EPB41L4B: variants seen among roughly 807,000 people sequenced by gnomAD.
The protein encoded by EPB41L4B is erythrocyte membrane protein band 4.1 like 4B.
A neutral mutation model predicts 112.5 loss-of-function variants in EPB41L4B; 30 were observed. The observed-to-expected ratio is 0.27, with a 90% CI of 0.20 to 0.36. The LOEUF is 0.36. Ranked by LOEUF, EPB41L4B falls within the 10% of genes least tolerant of loss-of-function variation. The pLI is 1.00. For missense variants in EPB41L4B, 1,024 were observed against 1,133.3 expected (o/e 0.90, Z 1.38); for synonymous variants, 408 against 439.7 (o/e 0.93, Z 0.90).
Position 109,193,163 on chromosome 9 carries a change from C to A in EPB41L4B, c.2224-808G>T, listed in dbSNP as rs574327070. Among the ~76,000 whole-genome samples, 9 of 152,322 alleles carry A rather than the reference C, an allele frequency of 5.9e-5. No homozygotes were observed. In the South Asian group the frequency reaches 1.5e-3, roughly 25 times the overall value. On this transcript the variant is annotated intron_variant, in intron 21 of 25. Transcript: ENST00000374566. ...AGGTGATCTATAGAGAAGCAGAGAA[C>A]CTCGATCTTGGCCAGTCGCTGGCTG... is the stretch of plus-strand genomic sequence containing the variant.
At chr9:109,194,150 C>G (rs1193306078) in intron 21 of EPB41L4B, 70 bp downstream of exon 21, 23 of 1,513,744 alleles carry the variant, frequency 1.5e-5, no homozygotes, top group Non-Finnish European at 1.8e-6. Flanking sequence ...GCACCAGATG[C>G]TACTCAGTAA....
intron 1 of EPB41L4B, among the ~76,000 whole-genome samples, chr9:109,285,097 G>A (rs990585907): frequency 2.0e-5 from 3 of 152,208 alleles, no homozygotes; most frequent in African/African-American, 7.2e-5. Flanking sequence ...CTGCCATGGT[G>A]CCCTGAATAC....
intron 1 of EPB41L4B, among the ~76,000 whole-genome samples, chr9:109,306,398 G>A (rs1010329060): frequency 2.0e-5 from 3 of 152,106 alleles, no homozygotes; most frequent in Admixed American, 1.3e-4. Flanking sequence ...TGGATCACCT[G>A]AGGTCAGGAG....
At chr9:109,247,309 C>G (rs1268848849) in intron 14 of EPB41L4B, among the ~76,000 whole-genome samples, 1 of 151,994 alleles carries the variant, frequency 6.6e-6, no homozygotes, top group Non-Finnish European at 1.5e-5. Context: ...TCAGTGGACA[C>G]TGTAAAATCC....
intron 1 of EPB41L4B, among the ~76,000 whole-genome samples, chr9:109,314,644 A>G (rs1169092850): frequency 7.1e-6 from 1 of 141,838 alleles, no homozygotes; most frequent in East Asian, 2.1e-4. Context: ...ACCCCCCCCC[A>G]CCTCAGCCTT....
rs377454200 is a variant in EPB41L4B, at chr9:109,173,215, C to T, written c.*1339G>A. Reference sequence around the variant, plus strand: ...CATTGCTGGTGGCATCATAAATTGTCGAGGGGATTCAAGCATTCAGAGGGG... The same window carrying T: ...CATTGCTGGTGGCATCATAAATTGTTGAGGGGATTCAAGCATTCAGAGGGG... On this transcript the variant is annotated 3_prime_UTR_variant, in exon 26 of 26. Coordinates refer to ENST00000374566, the MANE Select transcript of EPB41L4B (RefSeq NM_019114.5). 1.3e-5 allele frequency: 2 copies of T among 152,462 alleles called. No homozygotes were observed. Among genetic ancestry groups the T allele is most frequent in the Non-Finnish European group, 2.9e-5 (2 of 68,042 alleles). The allele number at this position is 152,462 out of a possible 1,614,324, so 9.4% of individuals were successfully genotyped here.
chr9:109,297,925 G>GACC (rs1836799244), intron 1 of EPB41L4B, among the ~76,000 whole-genome samples: 2 of 152,196 alleles, frequency 1.3e-5, no homozygotes, highest in African/African-American at 4.8e-5. Flanking sequence ...CCCTGTCTAT[G>GACC]GTGAGCTTGG....
intron 14 of EPB41L4B, among the ~76,000 whole-genome samples, chr9:109,245,009 G>A (rs1434437104): frequency 6.6e-6 from 1 of 152,172 alleles, no homozygotes; most frequent in Non-Finnish European, 1.5e-5. Flanking sequence ...AAAGACGCCT[G>A]TCAGCAAGCA....
chr9:109,185,613 CGAGGA>C lies in EPB41L4B; in HGVS notation c.2302-13_2302-9del, dbSNP rs1224012440. The stretch of plus-strand genomic sequence containing the variant: ...GTTGCTGGCGGGCTCTGCCTGCTCA[CGAGGA>C]GAGGAGAGAAGGGGAGGAGGAGGTG... On this transcript the variant is annotated splice_polypyrimidine_tract_variant and intron_variant, in intron 22 of 25. Transcript: ENST00000374566. 1.3e-6 allele frequency: 2 copies of C among 1,593,824 alleles called. No homozygotes were observed. Among genetic ancestry groups the C allele is most frequent in the Non-Finnish European group, 1.7e-6 (2 of 1,169,034 alleles).
intron 1 of EPB41L4B, among the ~76,000 whole-genome samples, chr9:109,292,322 T>G (rs761812896): frequency 3.3e-5 from 5 of 152,236 alleles, no homozygotes; most frequent in Non-Finnish European, 7.3e-5. Context: ...GCAGACACAC[T>G]GGCTAATATA....
intron 14 of EPB41L4B, among the ~76,000 whole-genome samples, chr9:109,246,263 G>A (rs562603133): frequency 5.3e-5 from 8 of 152,140 alleles, no homozygotes; most frequent in Middle Eastern, 6.8e-3. Flanking sequence ...TTAGCCGGGC[G>A]TGGTGGCATA....
At chr9:109,230,085 C>CA (rs750701875) in intron 15 of EPB41L4B, among the ~76,000 whole-genome samples, 8 of 152,134 alleles carry the variant, frequency 5.3e-5, no homozygotes, top group Admixed American at 2.0e-4. Flanking sequence ...ATTCACAGAG[C>CA]AAAAAACCCC....
chr9:109,253,602 T>C (rs774920715), intron 11 of EPB41L4B, 52 bp from the exon 12 acceptor site: 2 of 1,191,078 alleles, frequency 1.7e-6, no homozygotes, highest in Admixed American at 3.5e-5. Context: ...TCTCAGTACA[T>C]TACCTGTTTT....
At chr9:109,284,819 G>A (rs1339015905) in intron 1 of EPB41L4B, among the ~76,000 whole-genome samples, 1 of 152,138 alleles carries the variant, frequency 6.6e-6, no homozygotes, top group East Asian at 1.9e-4. Context: ...CCCACCCTTT[G>A]GATATTTTTT....
intron 20 of EPB41L4B, among the ~76,000 whole-genome samples, chr9:109,194,818 A>G (rs1588126830): frequency 1.3e-5 from 2 of 152,280 alleles, no homozygotes; most frequent in East Asian, 3.9e-4. Flanking sequence ...AGCCTCTGGT[A>G]ACATCAATTC....
chr9:109,228,279 A>T (rs1833849457), intron 15 of EPB41L4B, among the ~76,000 whole-genome samples: 1 of 152,224 alleles, frequency 6.6e-6, no homozygotes. Context: ...TCCTAAGTCA[A>T]CACTGCTTCC....
At position 109,173,617 on chromosome 9, in the gene EPB41L4B, G is replaced by A. The variant is rs988623163; in HGVS notation, c.*937C>T. 1.3e-5 allele frequency: 2 copies of A among 152,574 alleles called. No homozygotes were observed. The highest frequency in any genetic ancestry group is 2.1e-4 in the South Asian group (1 of 4,826). The allele number at this position is 152,574 out of a possible 1,614,324, so 9.5% of individuals were successfully genotyped here. On this transcript the variant is annotated 3_prime_UTR_variant, in exon 26 of 26. Coordinates refer to ENST00000374566, the MANE Select transcript of EPB41L4B (RefSeq NM_019114.5). ...TAAAACAAAGGAGAATGTACACAACGATCATAGCTATGTAAAAATATGTGT... is the reference window on the plus strand; with the variant it reads ...TAAAACAAAGGAGAATGTACACAACAATCATAGCTATGTAAAAATATGTGT...
intron 15 of EPB41L4B, among the ~76,000 whole-genome samples, chr9:109,225,348 A>G (rs950194981): frequency 1.3e-5 from 2 of 152,252 alleles, no homozygotes; most frequent in African/African-American, 2.4e-5. Context: ...CACTGCTGGT[A>G]AAGACATACC....
intron 1 of EPB41L4B, among the ~76,000 whole-genome samples, chr9:109,288,998 C>T (rs1836418471): frequency 6.6e-6 from 1 of 152,140 alleles, no homozygotes; most frequent in Non-Finnish European, 1.5e-5. Flanking sequence ...CCCAGAAGGA[C>T]TAAGACACCC....
Sources: allele counts gnomAD v4.1 joint callset (sites outside exome capture counted in the v4.1 genomes callset), GRCh38; gene constraint gnomAD v4.1.1; transcripts MANE v1.5; gene names NCBI Gene and HGNC (gene_info 2026-07-23, HGNC 2026-07-21).